EHMT1: variants seen among roughly 807,000 people sequenced by gnomAD.
EHMT1 encodes euchromatic histone lysine methyltransferase 1.
EHMT1 carries 15 observed loss-of-function variants against 147.2 expected under a neutral mutation model. The observed-to-expected ratio is 0.10, with a 90% CI of 0.07 to 0.16. EHMT1 has a LOEUF of 0.16. Among genes scored for constraint, EHMT1 ranks in the 10% least tolerant of loss-of-function variants. The pLI is 1.00. For synonymous variants in EHMT1, 795 were observed against 709.6 expected (o/e 1.12, Z -1.91); for missense variants, 1,587 against 1,772.4 (o/e 0.90, Z 1.88).
intron 3 of EHMT1, among the ~76,000 whole-genome samples, chr9:137,725,879 C>T (rs1946574502): frequency 6.6e-6 from 1 of 152,128 alleles, no homozygotes; most frequent in African/African-American, 2.4e-5. Context: ...CCAGGTGCTA[C>T]CCTGTTCTCC....
At chr9:137,767,735 C>A (rs139189957) in intron 10 of EHMT1, among the ~76,000 whole-genome samples, 1 of 152,052 alleles carries the variant, frequency 6.6e-6, no homozygotes, top group East Asian at 1.9e-4. Flanking sequence ...ATCTCTTGAA[C>A]CCGGGAGGTG....
intron 25 of EHMT1, among the ~76,000 whole-genome samples, chr9:137,833,157 C>A (rs1361835620): frequency 1.3e-5 from 2 of 152,188 alleles, no homozygotes; most frequent in Non-Finnish European, 2.9e-5. Context: ...GACCTCTGAG[C>A]GTCCCTGGCT....
chr9:137,768,191 C>G (rs955581561), intron 10 of EHMT1, among the ~76,000 whole-genome samples: 1 of 152,132 alleles, frequency 6.6e-6, no homozygotes, highest in Non-Finnish European at 1.5e-5. Context: ...CGTGTTGTTA[C>G]GTGAGACATG....
intron 10 of EHMT1, 80 bp downstream of exon 10, chr9:137,762,900 C>G (rs1949941214): frequency 3.1e-6 from 5 of 1,591,714 alleles, no homozygotes; most frequent in Admixed American, 1.7e-5. Flanking sequence ...CCGACAGCCC[C>G]TCGAGTGAGT....
At chr9:137,799,077 G>A (rs118141831) in intron 17 of EHMT1, among the ~76,000 whole-genome samples, 163 bp downstream of exon 17, 4 of 150,960 alleles carry the variant, frequency 2.6e-5, no homozygotes, top group East Asian at 3.9e-4. Context: ...GGGCCAGCTC[G>A]GACCCTCCAC....
At chr9:137,726,087 CGT>C (rs34091165) in intron 3 of EHMT1, among the ~76,000 whole-genome samples, 16,386 of 150,588 alleles carry the variant, frequency 0.11, 2,798 homozygotes, top group African/African-American at 0.37. Flanking sequence ...GGTGCCTTGT[CGT>C]GTGTGTGTGT....
intron 1 of EHMT1, among the ~76,000 whole-genome samples, chr9:137,651,800 G>GA (rs1164592692): frequency 2.0e-5 from 3 of 150,642 alleles, no homozygotes; most frequent in Admixed American, 6.6e-5. Context: ...CTCAAGAAAA[G>GA]AAAAAAAAAG....
At chr9:137,638,435 A>G (rs1205067574) in intron 1 of EHMT1, 1 of 151,992 alleles carries the variant, frequency 6.6e-6, no homozygotes, top group Non-Finnish European at 1.5e-5. Flanking sequence ...AGTAGAGATG[A>G]TGTCTCACCA....
intron 10 of EHMT1, among the ~76,000 whole-genome samples, chr9:137,766,993 AT>A (rs1950261029): frequency 6.6e-6 from 1 of 151,798 alleles, no homozygotes; most frequent in African/African-American, 2.4e-5. Context: ...AAGTTTTAAT[AT>A]TTTTATTTTG....
At position 137,766,542 on chromosome 9, in the gene EHMT1, G is replaced by C. The variant is rs140904650; in HGVS notation, c.1647+3722G>C. ...AGGCAGGAGAATTGCTTGAGCCTGG[G>C]AGGCGACGGTTGCAGTGAGCATCAG... On this transcript the variant is annotated intron_variant, in intron 10 of 26. Coordinates refer to ENST00000460843, the MANE Select transcript of EHMT1 (RefSeq NM_024757.5). 2.7e-3 allele frequency among the ~76,000 whole-genome samples: 409 copies of C among 152,330 alleles called. 1 individual carries two copies. The highest frequency in any genetic ancestry group is 2.4e-3 in the Admixed American group (37 of 15,308).
intron 1 of EHMT1, among the ~76,000 whole-genome samples, chr9:137,681,929 C>G (rs1941980440): frequency 6.6e-6 from 1 of 152,012 alleles, no homozygotes; most frequent in African/African-American, 2.4e-5. Flanking sequence ...TGAAACCGTC[C>G]TCGCGGTTTT....
intron 16 of EHMT1, among the ~76,000 whole-genome samples, chr9:137,793,273 G>A (rs1952660072): frequency 6.6e-6 from 1 of 152,170 alleles, no homozygotes; most frequent in African/African-American, 2.4e-5. Context: ...TTCAGAAATG[G>A]GCAAAGAAGG....
At position 137,775,392 on chromosome 9, in the gene EHMT1, A is replaced by C; in HGVS notation, c.1791+140A>C. 7.9e-6 allele frequency: 10 copies of C among 1,269,738 alleles called. No individual in the cohort carries two copies. The South Asian group carries it at 8.1e-5, about 10-fold the overall frequency. 78.7% of individuals were successfully genotyped at this position (1,269,738 alleles called of 1,614,324 possible). ...GTCTGGTGTCCGTCTGGAGGTCTCC[A>C]GTGTTCACAAGCCCCTCACCACCCC... is the stretch of plus-strand genomic sequence containing the variant. On this transcript the variant is annotated intron_variant, in intron 11 of 26. Coordinates refer to ENST00000460843, the MANE Select transcript of EHMT1 (RefSeq NM_024757.5). The surrounding 1 kb of genome is among the most constrained non-coding windows in gnomAD (Gnocchi z 6.1).
At chr9:137,692,456 G>A (rs1211518675) in intron 1 of EHMT1, among the ~76,000 whole-genome samples, 1 of 151,690 alleles carries the variant, frequency 6.6e-6, no homozygotes, top group Non-Finnish European at 1.5e-5. Flanking sequence ...GTGGAAACGG[G>A]GTTTCGCTGT....
chr9:137,799,024 C>T, intron 17 of EHMT1, 110 bp downstream of exon 17: 1 of 925,598 alleles, frequency 1.1e-6, no homozygotes, highest in South Asian at 1.4e-5. Context: ...CCCTCCCACG[C>T]ACAGAGCCAG....
intron 25 of EHMT1, among the ~76,000 whole-genome samples, chr9:137,823,682 A>G (rs1212223951): frequency 2.0e-5 from 3 of 152,100 alleles, no homozygotes; most frequent in African/African-American, 7.2e-5. Flanking sequence ...AAGTGCTGGG[A>G]TTACAGGCGT....
intron 10 of EHMT1, among the ~76,000 whole-genome samples, chr9:137,765,695 C>T (rs1337361476): frequency 6.7e-6 from 1 of 148,834 alleles, no homozygotes; most frequent in African/African-American, 2.5e-5. Context: ...AGCCTGTCCC[C>T]GCTTGTGTTC....
intron 1 of EHMT1, 65 bp downstream of exon 1, chr9:137,619,114 G>A (rs1275535847): frequency 1.4e-4 from 74 of 529,770 alleles, no homozygotes; most frequent in Non-Finnish European, 1.7e-4. Flanking sequence ...CGGCGCGGGG[G>A]CGAAGAACCG....
rs1387380094 is a variant in EHMT1 at position 137,834,144 on chromosome 9, G to C, written c.3541-205G>C. On this transcript the variant is annotated intron_variant, in intron 25 of 26. Transcript: ENST00000460843. ...AGACGGAGGCCCAGCGAGGACGGCA[G>C]GGTGCGGGGTGGGTGGCCACACAGC... is the stretch of plus-strand genomic sequence containing the variant. The C allele has an allele frequency of 9.1e-6, 6 of 659,768 alleles. No homozygotes were observed. In the East Asian group the frequency reaches 1.7e-4, roughly 18 times the overall value. 40.9% of individuals were successfully genotyped at this position (659,768 alleles called of 1,614,324 possible).
Sources: allele counts gnomAD v4.1 joint callset (sites outside exome capture counted in the v4.1 genomes callset), GRCh38; gene constraint gnomAD v4.1.1; non-coding constraint Gnocchi (gnomAD v3.1); transcripts MANE v1.5; gene names NCBI Gene and HGNC (gene_info 2026-07-23, HGNC 2026-07-21).